ASTN2: variants seen among roughly 807,000 people sequenced by gnomAD.
The protein encoded by ASTN2 is astrotactin 2.
ASTN2 carries 54 observed loss-of-function variants against 139.8 expected under a neutral mutation model. That is an observed-to-expected ratio of 0.39 (90% CI 0.31 to 0.48). ASTN2 has a LOEUF of 0.48. Among genes scored for constraint, ASTN2 ranks in the 20% least tolerant of loss-of-function variants. The pLI, the probability that ASTN2 is intolerant of heterozygous loss-of-function variation, is 0.95. For missense variants in ASTN2, 1,565 were observed against 1,725.1 expected (o/e 0.91, Z 1.64); for synonymous variants, 756 against 719.5 (o/e 1.05, Z -0.81).
chr9:116,431,481 G>A (rs901008874), intron 22 of ASTN2, among the ~76,000 whole-genome samples: 7 of 152,124 alleles, frequency 4.6e-5, no homozygotes, highest in Admixed American at 3.9e-4. Flanking sequence ...GAGAACCCCC[G>A]ACACTTCTGG....
intron 10 of ASTN2, among the ~76,000 whole-genome samples, chr9:116,910,767 T>C (rs150784831): frequency 2.6e-5 from 4 of 152,268 alleles, no homozygotes; most frequent in Non-Finnish European, 5.9e-5. Context: ...ATTTTCTCAG[T>C]GCAATAAAAA....
intron 3 of ASTN2, among the ~76,000 whole-genome samples, chr9:117,148,146 T>A (rs147280083): frequency 1.3e-5 from 2 of 152,274 alleles, no homozygotes; most frequent in Non-Finnish European, 2.9e-5. Flanking sequence ...AAGAAGCAAA[T>A]GGACATTGAC....
chr9:116,529,641 G>C (rs1851236153), intron 19 of ASTN2, among the ~76,000 whole-genome samples: 1 of 152,094 alleles, frequency 6.6e-6, no homozygotes, highest in African/African-American at 2.4e-5. Flanking sequence ...CTCATCTAGA[G>C]TTGTAATCCC....
In ASTN2 at chr9:116,620,379, C is replaced by T. The variant is rs1564159943; in HGVS notation, c.3137G>A (p.Trp1046Ter). 6.2e-7 allele frequency: 1 copy of T among 1,614,156 alleles called. No individual in the cohort carries two copies. Among genetic ancestry groups the T allele is most frequent in the Non-Finnish European group, 8.5e-7 (1 of 1,180,018 alleles). ...AAAGGCGCTGAGGTCACACCTGCACCAGTCATCGATCACATCCCCTTTCCC... is the reference window on the plus strand; with the variant it reads ...AAAGGCGCTGAGGTCACACCTGCACTAGTCATCGATCACATCCCCTTTCCC... ...CSGKGDVIDDWCRCDLSAFDA... is the reference protein window; with the variant it reads ...CSGKGDVIDD The change falls in exon 18 of 23, where the codon TGG (tryptophan) becomes TAG (stop). Residue 1046 changes from tryptophan (W) to a stop codon, truncating the protein, a stop_gained. Transcript: ENST00000313400. LOFTEE classifies it high-confidence loss of function.
intron 19 of ASTN2, among the ~76,000 whole-genome samples, chr9:116,609,379 G>GTATA (rs56938236): frequency 0.03 from 3,466 of 116,550 alleles, 82 homozygotes; most frequent in African/African-American, 0.035. Context: ...ATATATGGGT[G>GTATA]TATATATATA....
chr9:117,405,358 C>A (rs766284751), intron 1 of ASTN2, among the ~76,000 whole-genome samples: 1 of 152,214 alleles, frequency 6.6e-6, no homozygotes. Flanking sequence ...CTCCTCTGAG[C>A]CTCAGAACTC....
Position 117,016,622 on chromosome 9 carries a change from A to AGGT in ASTN2, c.1424-8364_1424-8363insACC, listed in dbSNP as rs1564385830. Among the ~76,000 whole-genome samples the AGGT allele has an allele frequency of 2.2e-3, 11 of 4,950 alleles. 2 individuals carry two copies. The highest frequency in any genetic ancestry group is 0.01 in the South Asian group (1 of 100). 3.2% of individuals were successfully genotyped at this position (4,950 alleles called of 152,430 possible). A position where few individuals can be genotyped will look rare whatever the true frequency, so the allele number is the denominator to read the frequency against. On this transcript the variant is annotated intron_variant, in intron 6 of 22. Coordinates refer to ENST00000313400, the MANE Select transcript of ASTN2 (RefSeq NM_001365068.1). ...TATATATCTATATCTATATCTATCT[A>AGGT]TCTATATATATATATATATATATAT... is the stretch of plus-strand genomic sequence containing the variant.
At chr9:116,990,882 C>T (rs552979012) in intron 7 of ASTN2, among the ~76,000 whole-genome samples, 29 of 152,270 alleles carry the variant, frequency 1.9e-4, no homozygotes, top group African/African-American at 5.3e-4. Flanking sequence ...CACTTCTGGC[C>T]ATTGGAGAGT....
intron 6 of ASTN2, among the ~76,000 whole-genome samples, chr9:117,009,920 CTG>C (rs1387600986): frequency 6.6e-6 from 1 of 152,138 alleles, no homozygotes; most frequent in Non-Finnish European, 1.5e-5. Flanking sequence ...GCATCTAAGA[CTG>C]TGGGAGGAGA....
intron 22 of ASTN2, among the ~76,000 whole-genome samples, chr9:116,439,554 T>C (rs1157002381): frequency 6.6e-6 from 1 of 152,138 alleles, no homozygotes; most frequent in Non-Finnish European, 1.5e-5. Context: ...AAATAAAGTG[T>C]ATATGGTGGT....
At position 116,698,857 on chromosome 9, in the gene ASTN2, A is replaced by G. The variant is rs781488306; in HGVS notation, c.2806+26914T>C. On this transcript the variant is annotated intron_variant, in intron 16 of 22. Transcript: ENST00000313400. The surrounding 1 kb of genome is among the most constrained non-coding windows in gnomAD (Gnocchi z 4.4). ...AAAGGCAGCACTCCAGGAATGTTCAATCTTCCAGTCAGTCTCTACGTGACC... is the reference window on the plus strand; with the variant it reads ...AAAGGCAGCACTCCAGGAATGTTCAGTCTTCCAGTCAGTCTCTACGTGACC... 14 of 1,614,118 alleles carry G rather than the reference A, an allele frequency of 8.7e-6. No homozygotes were observed. Among genetic ancestry groups the G allele is most frequent in the African/African-American group, 6.7e-5 (5 of 74,944 alleles).
chr9:116,643,432 T>C (rs538335305), intron 17 of ASTN2, among the ~76,000 whole-genome samples: 1 of 152,326 alleles, frequency 6.6e-6, no homozygotes, highest in South Asian at 2.1e-4. Flanking sequence ...TTATAGATGA[T>C]ACGTAAATCA....
At chr9:117,291,537 TG>T in intron 1 of ASTN2, 24 bp from the exon 2 acceptor site, 1 of 1,568,148 alleles carries the variant, frequency 6.4e-7, no homozygotes, top group Non-Finnish European at 8.7e-7. Context: ...CCCGAGGCAC[TG>T]GGTGAGCCGT....
intron 19 of ASTN2, among the ~76,000 whole-genome samples, chr9:116,500,316 T>C (rs1849811666): frequency 6.6e-6 from 1 of 152,174 alleles, no homozygotes; most frequent in Non-Finnish European, 1.5e-5. Flanking sequence ...ACAATGGAAG[T>C]GAAAATTTCC....
chr9:116,532,213 T>C (rs1301805780), intron 19 of ASTN2, among the ~76,000 whole-genome samples: 2 of 152,136 alleles, frequency 1.3e-5, no homozygotes, highest in Admixed American at 6.5e-5. Context: ...TGATGGGTTG[T>C]TTTTTTCTTG....
chr9:117,322,867 ATTTTCAACACTCT>A (rs1828378150), intron 1 of ASTN2, among the ~76,000 whole-genome samples: 1 of 151,878 alleles, frequency 6.6e-6, no homozygotes, highest in South Asian at 2.1e-4. Context: ...GACTATGGGC[ATTTTCAACACTCT>A]CCTGTCTCTG....
At chr9:117,183,832 G>T (rs1284731441) in intron 3 of ASTN2, among the ~76,000 whole-genome samples, 1 of 152,194 alleles carries the variant, frequency 6.6e-6, no homozygotes, top group African/African-American at 2.4e-5. Flanking sequence ...ATAGAGAGCT[G>T]GGGTTATGAA....
intron 22 of ASTN2, chr9:116,437,369 T>C (rs1277401538): frequency 4.2e-6 from 2 of 471,184 alleles, no homozygotes; most frequent in Admixed American, 2.4e-5. Flanking sequence ...GTGTGGGATG[T>C]TGGAGCAATC....
chr9:116,857,883 T>A (rs1018743993), intron 11 of ASTN2, among the ~76,000 whole-genome samples: 1 of 152,318 alleles, frequency 6.6e-6, no homozygotes, highest in South Asian at 2.1e-4. Flanking sequence ...AGAAATGATG[T>A]TCTGAGACTT....
Sources: allele counts gnomAD v4.1 joint callset (sites outside exome capture counted in the v4.1 genomes callset), GRCh38; gene constraint gnomAD v4.1.1; non-coding constraint Gnocchi (gnomAD v3.1); transcripts MANE v1.5; gene names NCBI Gene and HGNC (gene_info 2026-07-23, HGNC 2026-07-21).